The following ABCA8 variants were observed in gnomAD, a reference collection of about 807,000 sequenced individuals.
ABCA8 encodes the protein ATP binding cassette subfamily A member 8, also known as ABC-type organic anion transporter ABCA8.
In ABCA8, 177 loss-of-function variants were observed where a neutral mutation model predicts 192.3. That is an observed-to-expected ratio of 0.92 (90% CI 0.81 to 1.04). The LOEUF is 1.04. Among genes scored for constraint, ABCA8 ranks in the 50% least tolerant of loss-of-function variants. The pLI, the probability that ABCA8 is intolerant of heterozygous loss-of-function variation, is 0.00. For synonymous variants in ABCA8, 642 were observed against 690.2 expected (o/e 0.93, Z 1.09); for missense variants, 1,915 against 1,904.8 (o/e 1.01, Z -0.10).
rs945879087 is a variant in ABCA8 at position 68,903,225 on chromosome 17, G to A, written c.2597+76C>T. 2.7e-6 allele frequency: 4 copies of A among 1,462,976 alleles called. No individual in the cohort carries two copies. In the Admixed American group the frequency reaches 7.8e-5, roughly 28 times the overall value. The allele number at this position is 1,462,976 out of a possible 1,614,324, so 90.6% of individuals were successfully genotyped here. ...ATTCATCATATCTTTGTGTTTTTTT[G>A]CTTGCCTTTATACCTTAGATTTGCT... On this transcript the variant is annotated intron_variant, in intron 20 of 39. Coordinates refer to ENST00000586539, the MANE Select transcript of ABCA8 (RefSeq NM_001288985.2).
chr17:68,933,679 T>C (rs1341662624), intron 5 of ABCA8, among the ~76,000 whole-genome samples: 2 of 152,160 alleles, frequency 1.3e-5, no homozygotes, highest in Non-Finnish European at 2.9e-5. Flanking sequence ...TAACACTGGA[T>C]ATAACACGGG....
rs2067920200 is a variant in ABCA8, at chr17:68,932,358, T to C, written c.727A>G (p.Asn243Asp). The C allele has an allele frequency of 6.2e-7, 1 of 1,614,128 alleles. No individual in the cohort carries two copies. Among genetic ancestry groups the C allele is most frequent in the Non-Finnish European group, 8.5e-7 (1 of 1,179,972 alleles). The change falls in exon 7 of 40, where the codon AAT (asparagine) becomes GAT (aspartate). Residue 243 changes from asparagine (N) to aspartate (D), a missense_variant. By Grantham distance (23) the Asn-to-Asp change is conservative. Transcript: ENST00000586539. Reference protein sequence around the residue: ...FSSFIYYASVNVTRERKRMKA... With the variant: ...FSSFIYYASVDVTRERKRMKA... ...ATCCTTTTCCTCTCTCTTGTGACAT[T>C]AACAGATGCATAGTAAATGAATGAG...
chr17:68,910,917 C>A (rs1029578012), intron 17 of ABCA8, among the ~76,000 whole-genome samples: 2 of 152,184 alleles, frequency 1.3e-5, no homozygotes. Flanking sequence ...ACTTTTGGGC[C>A]TTGAATAAAC....
At chr17:68,870,756 T>C (rs1567813918) in intron 37 of ABCA8, among the ~76,000 whole-genome samples, 2 of 152,230 alleles carry the variant, frequency 1.3e-5, no homozygotes, top group Admixed American at 1.3e-4. Flanking sequence ...AGTGAACACT[T>C]AGACTGTTTA....
At chr17:68,897,215 T>C (rs1437099702) in intron 21 of ABCA8, among the ~76,000 whole-genome samples, 6 of 152,128 alleles carry the variant, frequency 3.9e-5, no homozygotes, top group Non-Finnish European at 7.4e-5. Context: ...GCCAGTGTAA[T>C]GGAGAGGTCA....
At chr17:68,914,359 T>C (rs2067299840) in intron 17 of ABCA8, among the ~76,000 whole-genome samples, 1 of 152,084 alleles carries the variant, frequency 6.6e-6, no homozygotes, top group Admixed American at 6.6e-5. Flanking sequence ...AAAATCATCC[T>C]TGTGGGCAAA....
chr17:68,941,880 C>G (rs2068239114), intron 3 of ABCA8, 59 bp downstream of exon 3: 2 of 1,263,406 alleles, frequency 1.6e-6, no homozygotes, highest in East Asian at 4.7e-5. Context: ...ATAGATAACT[C>G]CCAGGCAACA....
intron 2 of ABCA8, 96 bp from the exon 3 acceptor site, chr17:68,942,135 C>T: frequency 1.2e-6 from 1 of 844,626 alleles, no homozygotes; most frequent in East Asian, 2.6e-5. Context: ...CCTAATACTC[C>T]AATGTTCCAA....
chr17:68,877,881 C>T (rs1226855656), intron 32 of ABCA8: 1 of 464,026 alleles, frequency 2.2e-6, no homozygotes, highest in Non-Finnish European at 3.6e-6. Context: ...AGCCAACAAT[C>T]CAATCTCAGC....
intron 18 of ABCA8, among the ~76,000 whole-genome samples, chr17:68,907,464 C>T (rs558032329): frequency 2.0e-5 from 3 of 151,792 alleles, no homozygotes; most frequent in Non-Finnish European, 4.4e-5. Context: ...GGTTTGTGTA[C>T]ATTTATGAAT....
At chr17:68,907,943 T>G in intron 17 of ABCA8, 64 bp from the exon 18 acceptor site, 1 of 1,401,672 alleles carries the variant, frequency 7.1e-7, no homozygotes, top group Non-Finnish European at 9.4e-7. Context: ...AGCAAGAAAA[T>G]AATTAACTAG....
At chr17:68,884,212 C>T (rs565702175) in intron 28 of ABCA8, 119 bp downstream of exon 28, 1 of 977,978 alleles carries the variant, frequency 1.0e-6, no homozygotes, top group Non-Finnish European at 1.4e-6. Flanking sequence ...ATTATATCTC[C>T]TTGGGCTATA....
At chr17:68,945,805 GTA>G (rs1161213626) in intron 2 of ABCA8, among the ~76,000 whole-genome samples, 1 of 151,810 alleles carries the variant, frequency 6.6e-6, no homozygotes, top group African/African-American at 2.4e-5. Flanking sequence ...ATGTTTGTGT[GTA>G]TATGTGTGTG....
Position 68,903,476 on chromosome 17 carries a change from G to A in ABCA8, c.2422C>T (p.Gln808Ter), listed in dbSNP as rs1428068507. The A allele has an allele frequency of 1.2e-6, 2 of 1,614,018 alleles. No homozygotes were observed. The highest frequency in any genetic ancestry group is 1.7e-6 in the Non-Finnish European group (2 of 1,179,988). Residue 808 changes from glutamine (Q) to a stop codon, truncating the protein, a stop_gained, in exon 20 of 40, where the codon CAA (glutamine) becomes TAA (stop). Coordinates refer to ENST00000586539, the MANE Select transcript of ABCA8 (RefSeq NM_001288985.2). LOFTEE classifies it high-confidence loss of function. ...ESDIAILGEV[Q>*]AEKADDTERL... ...TCAGTGTCGTCAGCTTTTTCCGCTT[G>A]TACTTCTCCCAAAATAGCAATGTCT...
intron 37 of ABCA8, among the ~76,000 whole-genome samples, chr17:68,871,898 G>GCA (rs2066067385): frequency 7.6e-6 from 1 of 132,432 alleles, no homozygotes; most frequent in African/African-American, 2.6e-5. Flanking sequence ...ACTAGTTTAT[G>GCA]TATATACTAT....
chr17:68,944,566 G>A (rs763323859), intron 2 of ABCA8: 1 of 151,092 alleles, frequency 6.6e-6, no homozygotes, highest in Non-Finnish European at 1.5e-5. Flanking sequence ...AGCTAATGAG[G>A]GGCAATCTGT....
chr17:68,871,335 T>C (rs1028636600), intron 37 of ABCA8, among the ~76,000 whole-genome samples: 1 of 152,164 alleles, frequency 6.6e-6, no homozygotes, highest in African/African-American at 2.4e-5. Context: ...TTTCATGACC[T>C]AATAATCTCT....
intron 37 of ABCA8, among the ~76,000 whole-genome samples, chr17:68,870,309 G>T (rs1477632885): frequency 6.6e-6 from 1 of 152,166 alleles, no homozygotes; most frequent in African/African-American, 2.4e-5. Flanking sequence ...GATCACTGTG[G>T]ACTTAGTTCT....
At chr17:68,948,987 A>G (rs757143266) in intron 2 of ABCA8, among the ~76,000 whole-genome samples, 1 of 152,148 alleles carries the variant, frequency 6.6e-6, no homozygotes, top group Admixed American at 6.5e-5. Context: ...AGCACCATTT[A>G]TTTAACAGGG....
Sources: gnomAD v4.1 joint callset for allele counts (sites outside exome capture counted in the v4.1 genomes callset) on GRCh38, gnomAD v4.1.1 for gene constraint, MANE v1.5 for transcripts, NCBI Gene and HGNC (gene_info 2026-07-23, HGNC 2026-07-21) for gene names.